ZNF431: variants seen among roughly 807,000 people sequenced by gnomAD.
The protein encoded by ZNF431 is zinc finger protein 431.
In ZNF431, 34 loss-of-function variants were observed where a neutral mutation model predicts 57.0. The observed-to-expected ratio is 0.60, with a 90% CI of 0.45 to 0.79. The LOEUF (loss-of-function observed/expected upper bound fraction) is 0.79, where lower values mean the gene tolerates loss of function less well. Ranked by LOEUF, ZNF431 falls within the 30% of genes least tolerant of loss-of-function variation. The pLI, the probability that ZNF431 is intolerant of heterozygous loss-of-function variation, is 0.00. For missense variants in ZNF431, 607 were observed against 667.1 expected (o/e 0.91, Z 0.99); for synonymous variants, 207 against 220.3 (o/e 0.94, Z 0.54).
intron 4 of ZNF431, among the ~76,000 whole-genome samples, chr19:21,179,205 G>C (rs903380672): frequency 2.6e-5 from 4 of 152,174 alleles, no homozygotes; most frequent in Non-Finnish European, 5.9e-5. Context: ...TGTGGGGTCA[G>C]TGATGATAGC....
intron 1 of ZNF431, among the ~76,000 whole-genome samples, chr19:21,142,933 C>A (rs868520381): frequency 1.3e-5 from 2 of 152,054 alleles, no homozygotes; most frequent in African/African-American, 4.8e-5. Context: ...ACTAAAGACA[C>A]CTCCGTCTAA....
intron 4 of ZNF431, among the ~76,000 whole-genome samples, chr19:21,171,712 A>AT (rs550012306): frequency 5.0e-4 from 45 of 90,900 alleles, no homozygotes; most frequent in East Asian, 2.4e-3. Flanking sequence ...ATATATATAT[A>AT]TTTTTTTTTT....
chr19:21,155,233 A>G (rs535450020), intron 2 of ZNF431, among the ~76,000 whole-genome samples: 17 of 152,302 alleles, frequency 1.1e-4, no homozygotes, highest in East Asian at 1.9e-4. Context: ...TCAGCTTTCT[A>G]CATATGGTTA....
intron 2 of ZNF431, chr19:21,162,814 A>G: frequency 1.1e-6 from 1 of 926,336 alleles, no homozygotes; most frequent in Non-Finnish European, 1.3e-6. Context: ...TTGTGTTAAA[A>G]CCAGTGCTTA....
At chr19:21,162,686 G>A (rs1195909268) in intron 2 of ZNF431, 1 of 984,580 alleles carries the variant, frequency 1.0e-6, no homozygotes, top group Non-Finnish European at 1.2e-6. Flanking sequence ...AAAAAGATGA[G>A]AGTTTTTGCT....
At chr19:21,173,885 G>T (rs375554491) in intron 4 of ZNF431, among the ~76,000 whole-genome samples, 6 of 151,630 alleles carry the variant, frequency 4.0e-5, no homozygotes, top group African/African-American at 1.4e-4. Context: ...CTTTTCAAAT[G>T]GTTTTTCCCA....
At chr19:21,142,685 G>T (rs536100422) in intron 1 of ZNF431, among the ~76,000 whole-genome samples, 4 of 152,174 alleles carry the variant, frequency 2.6e-5, no homozygotes, top group Admixed American at 2.6e-4. Flanking sequence ...CTTCATGGGC[G>T]GGACTTGAAG....
At chr19:21,154,985 A>G (rs1416934397) in intron 2 of ZNF431, among the ~76,000 whole-genome samples, 8 of 152,074 alleles carry the variant, frequency 5.3e-5, no homozygotes, top group East Asian at 1.9e-4. Context: ...GTTCACTCTG[A>G]TGGTGGTTTC....
chr19:21,166,364 A>T lies in ZNF431; in HGVS notation c.126A>T (p.Ile42=). 2 of 1,613,550 alleles carry T rather than the reference A, an allele frequency of 1.2e-6. No homozygotes were observed. Among genetic ancestry groups the T allele is most frequent in the South Asian group, 2.2e-5 (2 of 90,908 alleles). The change falls in exon 3 of 5, where the codon ATA becomes ATT. Residue 42 remains isoleucine, a synonymous_variant. Coordinates refer to ENST00000311048, the MANE Select transcript of ZNF431 (RefSeq NM_133473.4). ...KETLTFRDVA[I]EFSLEEWECL... is the part of the protein sequence containing the mutation. ...CATTGACATTTAGGGATGTGGCCAT[A>T]GAATTCTCTCTGGAGGAGTGGGAAT...
At chr19:21,169,927 A>C in intron 4 of ZNF431, 1 of 398,442 alleles carries the variant, frequency 2.5e-6, no homozygotes, top group Non-Finnish European at 4.4e-6. Context: ...GTCTTCCTCC[A>C]GGTCTCTGGA....
Position 21,170,662 on chromosome 19 carries a change from T to TTTTC in ZNF431, c.319+2999_319+3000insCTTT, listed in dbSNP as rs202067894. Among the ~76,000 whole-genome samples the TTTTC allele has an allele frequency of 7.6e-3, 1,159 of 151,806 alleles. 19 individuals are homozygous for TTTTC. The highest frequency in any genetic ancestry group is 0.024 in the African/African-American group (981 of 41,342). ...CTTTCTTTTCTTTTCTTTTCTTTTTTTTTTCTTTTCTTTTCTTTTCTTTCT... is the reference window on the plus strand; with the variant it reads ...CTTTCTTTTCTTTTCTTTTCTTTTTTTTTCTTTTCTTTTCTTTTCTTTTCTTTCT... On this transcript the variant is annotated intron_variant, in intron 4 of 4. Transcript: ENST00000311048.
At position 21,183,429 on chromosome 19, in the gene ZNF431, G is replaced by A; in HGVS notation, c.1126G>A (p.Glu376Lys). The change falls in exon 5 of 5, where the codon GAA (glutamate) becomes AAA (lysine). Residue 376 changes from glutamate to lysine, a missense_variant. Glu to Lys is a moderately conservative substitution (Grantham distance 56, BLOSUM62 1). Transcript: ENST00000311048. ...TGGAGAAAAATCTTACAAATGTGAA[G>A]AATGTGGCAAAGGCTTTAATTGGTC... ...HTGEKSYKCE[E>K]CGKGFNWSST... is the part of the protein sequence containing the mutation. The A allele has an allele frequency of 6.2e-7, 1 of 1,613,728 alleles. No individual in the cohort carries two copies. Among genetic ancestry groups the A allele is most frequent in the South Asian group, 1.1e-5 (1 of 91,066 alleles).
intron 4 of ZNF431, chr19:21,169,934 T>G (rs920041869): frequency 2.5e-5 from 10 of 398,284 alleles, no homozygotes; most frequent in Admixed American, 4.4e-5. Flanking sequence ...TCCAGGTCTC[T>G]GGAAGGGCAG....
chr19:21,142,326 C>G, intron 1 of ZNF431, 140 bp downstream of exon 1: 1 of 1,159,198 alleles, frequency 8.6e-7, no homozygotes, highest in Non-Finnish European at 1.3e-6. Context: ...AGCTCGGCCT[C>G]AGTCCCCTCC....
In ZNF431 at chr19:21,186,383, G is replaced by A. The variant is rs1971375476; in HGVS notation, c.*2349G>A. On this transcript the variant is annotated 3_prime_UTR_variant, in exon 5 of 5. Coordinates refer to ENST00000311048, the MANE Select transcript of ZNF431 (RefSeq NM_133473.4). Reference sequence around the variant, plus strand: ...CAGACTTTTAGTTTTGATTCATATAGAGTTAAATACATGTTAGTCTAAAGA... The same window carrying A: ...CAGACTTTTAGTTTTGATTCATATAAAGTTAAATACATGTTAGTCTAAAGA... 2.0e-5 allele frequency: 3 copies of A among 152,170 alleles called. 1 individual carries two copies. In the South Asian group the frequency reaches 6.2e-4, roughly 31 times the overall value. 9.4% of individuals were successfully genotyped at this position (152,170 alleles called of 1,614,324 possible).
chr19:21,168,059 A>G (rs1482804208), intron 4 of ZNF431, among the ~76,000 whole-genome samples: 1 of 152,092 alleles, frequency 6.6e-6, no homozygotes, highest in African/African-American at 2.4e-5. Context: ...CCTGTCTGAA[A>G]TATGTGAGAG....
intron 4 of ZNF431, among the ~76,000 whole-genome samples, chr19:21,179,065 G>A (rs748441569): frequency 2.0e-5 from 3 of 152,094 alleles, no homozygotes; most frequent in Non-Finnish European, 4.4e-5. Context: ...GGTCTATGCA[G>A]CGATTCAACT....
rs1241122652 is a variant in ZNF431 at position 21,182,754 on chromosome 19, G to T, written c.451G>T (p.Val151Leu). Residue 151 changes from valine (V) to leucine (L), a missense_variant, in exon 5 of 5, where the codon GTA (valine) becomes TTA (leucine). By Grantham distance (32) the Val-to-Leu change is conservative. Coordinates refer to ENST00000311048, the MANE Select transcript of ZNF431 (RefSeq NM_133473.4). ...ACAGTTAAGAAAAGGCTCCGCAAGT[G>T]TAGATGAGTATAAGGTGCACAAAGA... ...NLQLRKGSAS[V>L]DEYKVHKEGY... The T allele has an allele frequency of 6.2e-7, 1 of 1,613,946 alleles. No homozygotes were observed. The highest frequency in any genetic ancestry group is 1.7e-5 in the Admixed American group (1 of 60,012).
chr19:21,168,813 CTA>C (rs2145001804), intron 4 of ZNF431, among the ~76,000 whole-genome samples: 1 of 152,144 alleles, frequency 6.6e-6, no homozygotes, highest in East Asian at 1.9e-4. Flanking sequence ...TTTTCTTCCT[CTA>C]TTGTATCAGA....
Sources: allele counts gnomAD v4.1 joint callset (sites outside exome capture counted in the v4.1 genomes callset), GRCh38; gene constraint gnomAD v4.1.1; transcripts MANE v1.5; gene names NCBI Gene and HGNC (gene_info 2026-07-23, HGNC 2026-07-21).